The following PPP2R5D variants were observed in gnomAD, a reference collection of about 807,000 sequenced individuals.
PPP2R5D encodes the protein serine/threonine-protein phosphatase 2A 56 kDa regulatory subunit delta isoform.
A neutral mutation model predicts 79.1 loss-of-function variants in PPP2R5D; 12 were observed. The ratio of observed to expected loss-of-function variants is 0.15; its 90% confidence interval spans 0.10 to 0.25. The LOEUF (loss-of-function observed/expected upper bound fraction) is 0.25. Among genes scored for constraint, PPP2R5D ranks in the 10% least tolerant of loss-of-function variants. The probability of loss-of-function intolerance (pLI) is 1.00; values close to 1 mark genes in which losing one functional copy is unlikely to be tolerated. For synonymous variants in PPP2R5D, 277 were observed against 286.6 expected (o/e 0.97, Z 0.34); for missense variants, 419 against 760.2 (o/e 0.55, Z 5.28).
At position 42,992,311 on chromosome 6, in the gene PPP2R5D, G is replaced by A. The variant is rs551255813; in HGVS notation, c.105+2623G>A. Among the ~76,000 whole-genome samples, 15 of 152,136 alleles carry A rather than the reference G, an allele frequency of 9.9e-5. No individual in the cohort carries two copies. In the South Asian group the frequency reaches 1.9e-3, roughly 19 times the overall value. On this transcript the variant is annotated intron_variant, in intron 2 of 15. Coordinates refer to ENST00000485511, the MANE Select transcript of PPP2R5D (RefSeq NM_006245.4). ...CCTGACCTCGTGATCCACCCGCCTC[G>A]GCCTCCCAAAGTGCTGGGATTACAG...
At chr6:42,986,562 G>C (rs1770865986) in intron 1 of PPP2R5D, among the ~76,000 whole-genome samples, 1 of 151,992 alleles carries the variant, frequency 6.6e-6, no homozygotes, top group Non-Finnish European at 1.5e-5. Context: ...GTAGTGAGCT[G>C]GACAGGGTTT....
rs555393890 is a variant in PPP2R5D, at chr6:43,002,677, CCTGTT to C, written c.106-3783_106-3779del. 1.8e-3 allele frequency among the ~76,000 whole-genome samples: 272 copies of C among 152,302 alleles called. 2 individuals are homozygous for C. Among genetic ancestry groups the C allele is most frequent in the African/African-American group, 6.0e-3 (249 of 41,566 alleles). On this transcript the variant is annotated intron_variant, in intron 2 of 15. Transcript: ENST00000485511. Reference sequence around the variant, plus strand: ...CACAGGCTGGACCCGGTGCTCCTCTCCTGTTCTCTCATCCCTAGATAGGTGACAAG... The same window carrying C: ...CACAGGCTGGACCCGGTGCTCCTCTCCTCTCATCCCTAGATAGGTGACAAG...
Position 43,006,878 on chromosome 6 carries a change from C to G in PPP2R5D, c.323-33C>G, listed in dbSNP as rs1554131661. ...AGCAGGGCATCGCAGTGAAGGACTACAGAGGAGAACCTGACTGCTGGGGCC... is the reference window on the plus strand; with the variant it reads ...AGCAGGGCATCGCAGTGAAGGACTAGAGAGGAGAACCTGACTGCTGGGGCC... On this transcript the variant is annotated intron_variant, in intron 3 of 15. Coordinates refer to ENST00000485511, the MANE Select transcript of PPP2R5D (RefSeq NM_006245.4). The surrounding 1 kb of genome is among the most constrained non-coding windows in gnomAD (Gnocchi z 4.7). The G allele has an allele frequency of 6.2e-7, 1 of 1,612,232 alleles. No individual in the cohort carries two copies. The highest frequency in any genetic ancestry group is 8.5e-7 in the Non-Finnish European group (1 of 1,179,292).
At chr6:42,990,699 C>CTTTTTTTTTTT (rs70990164) in intron 2 of PPP2R5D, among the ~76,000 whole-genome samples, 3 of 51,598 alleles carry the variant, frequency 5.8e-5, no homozygotes, top group South Asian at 1.1e-3. Context: ...CAGTATTCTA[C>CTTTTTTTTTTT]TTTTTTTTTT....
In PPP2R5D at chr6:43,011,427, T is replaced by G. The variant is rs1203719673; in HGVS notation, c.*141T>G. On this transcript the variant is annotated 3_prime_UTR_variant, in exon 16 of 16. Transcript: ENST00000485511. ...CTCAAGGGAGGGGGATGTGGGCACT[T>G]GAAGCAGGGACACCCACAGAATGGT... 8.6e-7 allele frequency: 1 copy of G among 1,159,474 alleles called. No homozygotes were observed. Among genetic ancestry groups the G allele is most frequent in the Admixed American group, 2.7e-5 (1 of 37,644 alleles). 71.8% of individuals were successfully genotyped at this position (1,159,474 alleles called of 1,614,324 possible).
intron 2 of PPP2R5D, among the ~76,000 whole-genome samples, chr6:43,002,665 C>T (rs1231148412): frequency 1.3e-5 from 2 of 152,132 alleles, no homozygotes; most frequent in African/African-American, 2.4e-5. Flanking sequence ...AGGCTGGACC[C>T]GGTGCTCCTC....
intron 2 of PPP2R5D, among the ~76,000 whole-genome samples, chr6:43,005,272 A>C (rs1762010705): frequency 1.4e-5 from 2 of 146,090 alleles, no homozygotes; most frequent in African/African-American, 5.1e-5. Flanking sequence ...TCTTTCTTTT[A>C]CCTTTTTAAA....
At position 42,989,614 on chromosome 6, in the gene PPP2R5D, C is replaced by T. The variant is rs1181904491; in HGVS notation, c.31C>T (p.Pro11Ser). The change falls in exon 2 of 16, where the codon CCC (proline) becomes TCC (serine). Residue 11 changes from proline to serine, a missense_variant. Coordinates refer to ENST00000485511, the MANE Select transcript of PPP2R5D (RefSeq NM_006245.4). MPYKLKKEKEPPKVAKCTAKP... is the reference protein window; with the variant it reads MPYKLKKEKESPKVAKCTAKP... ...TACTTTCATCTTTTCCTTTCAGGAG[C>T]CCCCCAAGGTTGCCAAATGCACAGC... 4 of 1,612,412 alleles carry T rather than the reference C, an allele frequency of 2.5e-6. No homozygotes were observed. The highest frequency in any genetic ancestry group is 2.5e-6 in the Non-Finnish European group (3 of 1,178,834).
In PPP2R5D at chr6:43,009,034, C is replaced by T; in HGVS notation, c.1081-23C>T. On this transcript the variant is annotated intron_variant, in intron 10 of 15. Transcript: ENST00000485511. This position sits in a 1 kb window ranked among gnomAD's most constrained non-coding sequence, Gnocchi z 5.6. ...TAGGCAGGTGCAAAGAATTTTCATC[C>T]CCATGCCCTCCTTGTCTCCCAGGTA... 3.7e-6 allele frequency: 6 copies of T among 1,610,284 alleles called. No individual in the cohort carries two copies. Among genetic ancestry groups the T allele is most frequent in the Non-Finnish European group, 5.1e-6 (6 of 1,177,622 alleles).
intron 2 of PPP2R5D, among the ~76,000 whole-genome samples, chr6:43,002,573 A>C (rs1042115207): frequency 6.6e-6 from 1 of 151,868 alleles, no homozygotes; most frequent in African/African-American, 2.4e-5. Flanking sequence ...CCCCCACCCC[A>C]AGGTGCAACT....
chr6:42,989,492 A>C, intron 1 of PPP2R5D, 119 bp from the exon 2 acceptor site: 2 of 836,560 alleles, frequency 2.4e-6, no homozygotes, highest in Non-Finnish European at 3.8e-6. Flanking sequence ...CACAAGGTAG[A>C]TTCTAATTGA....
At chr6:43,004,415 T>C (rs982534640) in intron 2 of PPP2R5D, among the ~76,000 whole-genome samples, 1 of 152,232 alleles carries the variant, frequency 6.6e-6, no homozygotes, top group Non-Finnish European at 1.5e-5. Flanking sequence ...TTTATCAGTA[T>C]GATAACACAT....
chr6:42,997,278 C>T lies in PPP2R5D; in HGVS notation c.105+7590C>T, dbSNP rs886155073. ...CGTGATCTCAGCTCACTGCAACCTC[C>T]GCCTCCCGGACTGAAGTGATTTTCC... On this transcript the variant is annotated intron_variant, in intron 2 of 15. Coordinates refer to ENST00000485511, the MANE Select transcript of PPP2R5D (RefSeq NM_006245.4). Among the ~76,000 whole-genome samples, 14 of 141,284 alleles carry T rather than the reference C, an allele frequency of 9.9e-5. No individual in the cohort carries two copies. The South Asian group carries it at 2.7e-3, about 28-fold the overall frequency. 92.7% of individuals were successfully genotyped at this position (141,284 alleles called of 152,430 possible). A position where few individuals can be genotyped will look rare whatever the true frequency, so the allele number is the denominator to read the frequency against.
chr6:42,989,909 T>G lies in PPP2R5D; in HGVS notation c.105+221T>G, dbSNP rs962938492. ...GTTCTTCAGACTCCCCAGAGATTCC[T>G]ATGAAAGTTGTTTCTCTGCTTACCA... On this transcript the variant is annotated intron_variant, in intron 2 of 15. Coordinates refer to ENST00000485511, the MANE Select transcript of PPP2R5D (RefSeq NM_006245.4). Among the ~76,000 whole-genome samples the G allele has an allele frequency of 2.6e-5, 4 of 152,236 alleles. No individual in the cohort carries two copies. In the South Asian group the frequency reaches 8.3e-4, roughly 31 times the overall value.
Position 43,009,240 on chromosome 6 carries a change from C to G in PPP2R5D, c.1251+13C>G, listed in dbSNP as rs1479288156. The G allele has an allele frequency of 3.1e-6, 5 of 1,613,936 alleles. No individual in the cohort carries two copies. The Admixed American group carries it at 5.0e-5, about 16-fold the overall frequency. On this transcript the variant is annotated intron_variant, in intron 11 of 15. Transcript: ENST00000485511. This position sits in a 1 kb window ranked among gnomAD's most constrained non-coding sequence, Gnocchi z 5.6. ...CCCCCATTTCCAGGTGAGACTCCAACCTAGCATATCCTAGCCCCTGCCAGA... is the reference window on the plus strand; with the variant it reads ...CCCCCATTTCCAGGTGAGACTCCAAGCTAGCATATCCTAGCCCCTGCCAGA...
chr6:43,012,231 G>T lies in PPP2R5D; in HGVS notation c.*945G>T. 2 of 1,224,930 alleles carry T rather than the reference G, an allele frequency of 1.6e-6. No individual in the cohort carries two copies. The highest frequency in any genetic ancestry group is 3.4e-5 in the South Asian group (1 of 29,244). 75.9% of individuals were successfully genotyped at this position (1,224,930 alleles called of 1,614,324 possible). On this transcript the variant is annotated 3_prime_UTR_variant, in exon 16 of 16. Coordinates refer to ENST00000485511, the MANE Select transcript of PPP2R5D (RefSeq NM_006245.4). ...CAGGGGCGCAGGCAGTGCGGCTTTT[G>T]GCTGTGTACATAGGGTGCTTTATTC...
chr6:42,989,899 C>T (rs1771137698), intron 2 of PPP2R5D, among the ~76,000 whole-genome samples: 1 of 152,192 alleles, frequency 6.6e-6, no homozygotes, highest in African/African-American at 2.4e-5. Context: ...TCAGACTCCC[C>T]AGAGATTCCT....
Position 43,006,766 on chromosome 6 carries a change from G to A in PPP2R5D, c.322+87G>A, listed in dbSNP as rs980237580. On this transcript the variant is annotated intron_variant, in intron 3 of 15. Coordinates refer to ENST00000485511, the MANE Select transcript of PPP2R5D (RefSeq NM_006245.4). The surrounding 1 kb of genome is among the most constrained non-coding windows in gnomAD (Gnocchi z 4.7). Reference sequence around the variant, plus strand: ...GAATGGAAGTTTTGGGGTATTTTGCGGGGAAGGGAGTTCCAGAGAATGCGG... The same window carrying A: ...GAATGGAAGTTTTGGGGTATTTTGCAGGGAAGGGAGTTCCAGAGAATGCGG... The A allele has an allele frequency of 1.5e-5, 23 of 1,577,936 alleles. No individual in the cohort carries two copies. The African/African-American group carries it at 2.0e-4, about 14-fold the overall frequency.
chr6:43,000,448 G>T (rs1384018866), intron 2 of PPP2R5D, among the ~76,000 whole-genome samples: 4 of 151,694 alleles, frequency 2.6e-5, no homozygotes, highest in Admixed American at 2.0e-4. Flanking sequence ...TCACCATGTT[G>T]GTCAGGCTGG....
Sources: gnomAD v4.1 joint callset for allele counts (sites outside exome capture counted in the v4.1 genomes callset) on GRCh38, gnomAD v4.1.1 for gene constraint, Gnocchi (gnomAD v3.1) non-coding constraint, MANE v1.5 for transcripts, NCBI Gene and HGNC (gene_info 2026-07-23, HGNC 2026-07-21) for gene names.